Variants in CNOT2 observed in about 807,000 individuals in gnomAD.
CNOT2 encodes the protein CC chemokine receptor 4-negative regulator of transcription 2.
In CNOT2, 7 loss-of-function variants were observed where a neutral mutation model predicts 72.1. The ratio of observed to expected loss-of-function variants is 0.10; its 90% CI spans 0.06 to 0.18. The LOEUF (loss-of-function observed/expected upper bound fraction) is 0.18. Among genes scored for constraint, CNOT2 ranks in the 10% least tolerant of loss-of-function variants. The pLI, the probability that CNOT2 is intolerant of heterozygous loss-of-function variation, is 1.00. For missense variants in CNOT2, 345 were observed against 660.3 expected, an observed-to-expected ratio of 0.52 and a Z score of 5.23; for synonymous variants, 196 against 225.6, an observed-to-expected ratio of 0.87 and a Z score of 1.17.
chr12:70,317,612 T>A (rs910056291), intron 3 of CNOT2, among the ~76,000 whole-genome samples: 3 of 49,460 alleles, frequency 6.1e-5, no homozygotes, highest in Non-Finnish European at 1.0e-4. Flanking sequence ...TAAGGTTTGA[T>A]TTTTTTTTTT....
chr12:70,330,688 G>T (rs528975553), intron 6 of CNOT2: 10 of 430,006 alleles, frequency 2.3e-5, no homozygotes, highest in Non-Finnish European at 4.1e-5. Context: ...TGTTGTTGTG[G>T]TTGTTAGAAA....
chr12:70,286,279 C>G (rs940984094), intron 2 of CNOT2, among the ~76,000 whole-genome samples: 1 of 149,298 alleles, frequency 6.7e-6, no homozygotes, highest in Non-Finnish European at 1.5e-5. Context: ...CAGTAGTCCT[C>G]ATATTCATCT....
In CNOT2 at chr12:70,269,862, C is replaced by T. The variant is rs149299017; in HGVS notation, c.-95-8270C>T. ...AACCTGGTTAAGAATTCTGTCTTTT[C>T]CAGCCCATGAGACATTTGGCTTAGT... On this transcript the variant is annotated intron_variant, in intron 1 of 15. Transcript: ENST00000229195. Among the ~76,000 whole-genome samples, 1,035 of 152,256 alleles carry T rather than the reference C, an allele frequency of 6.8e-3. 8 individuals carry two copies. Among genetic ancestry groups the T allele is most frequent in the African/African-American group, 0.023 (958 of 41,556 alleles).
At chr12:70,301,224 C>A (rs1873901785) in intron 2 of CNOT2, among the ~76,000 whole-genome samples, 1 of 152,130 alleles carries the variant, frequency 6.6e-6, no homozygotes, top group African/African-American at 2.4e-5. Context: ...CCTTCTCCTG[C>A]CTGATTGCCC....
chr12:70,305,873 G>GTTTTTTTTTTTTTTTTT (rs11412509), intron 2 of CNOT2, among the ~76,000 whole-genome samples: 5 of 60,104 alleles, frequency 8.3e-5, no homozygotes, highest in Admixed American at 2.3e-4. Flanking sequence ...TCTGAAGTTT[G>GTTTTTTTTTTTTTTTTT]TTTTTTTTTT....
intron 4 of CNOT2, among the ~76,000 whole-genome samples, chr12:70,320,520 G>T (rs994102103): frequency 1.3e-5 from 2 of 151,604 alleles, no homozygotes; most frequent in Non-Finnish European, 3.0e-5. Context: ...ATTAAACCAA[G>T]AAACGTATTT....
In CNOT2 at chr12:70,278,235, G is replaced by A; in HGVS notation, c.9G>A (p.Arg3=). ...GGAAAGGACACGACTCTATGGTGAG[G>A]ACTGATGGACATACATTATCTGAGA... MV[R]TDGHTLSEKR... The change falls in exon 2 of 16, where the codon AGG becomes AGA. Residue 3 remains arginine, a synonymous_variant. Transcript: ENST00000229195. 1 of 1,611,720 alleles carries A rather than the reference G, an allele frequency of 6.2e-7. No homozygotes were observed. Among genetic ancestry groups the A allele is most frequent in the Non-Finnish European group, 8.5e-7 (1 of 1,177,912 alleles).
At chr12:70,264,678 C>G (rs573507678) in intron 1 of CNOT2, among the ~76,000 whole-genome samples, 3 of 152,228 alleles carry the variant, frequency 2.0e-5, no homozygotes, top group South Asian at 4.1e-4. Context: ...GAGAGATACT[C>G]TAACCCTTGA....
At chr12:70,247,579 A>G (rs1430220865) in intron 1 of CNOT2, among the ~76,000 whole-genome samples, 1 of 152,126 alleles carries the variant, frequency 6.6e-6, no homozygotes, top group Non-Finnish European at 1.5e-5. Flanking sequence ...CCTCTTTGGT[A>G]TCACTTTCTT....
At chr12:70,255,717 A>C (rs546652418) in intron 1 of CNOT2, among the ~76,000 whole-genome samples, 1 of 152,304 alleles carries the variant, frequency 6.6e-6, no homozygotes, top group Non-Finnish European at 1.5e-5. Flanking sequence ...TTCTTCTAAA[A>C]ACATATACTG....
At chr12:70,290,041 CT>C (rs1222313629) in intron 2 of CNOT2, among the ~76,000 whole-genome samples, 3 of 151,052 alleles carry the variant, frequency 2.0e-5, no homozygotes, top group African/African-American at 2.4e-5. Flanking sequence ...TCTTTTTTTT[CT>C]TTTTTTTAGG....
chr12:70,282,697 C>T (rs562838972), intron 2 of CNOT2, among the ~76,000 whole-genome samples: 1 of 152,226 alleles, frequency 6.6e-6, no homozygotes, highest in South Asian at 2.1e-4. Context: ...TTTCCTCTGC[C>T]CTCTTCCCCA....
intron 1 of CNOT2, among the ~76,000 whole-genome samples, chr12:70,246,803 T>G (rs577851754): frequency 6.6e-6 from 1 of 152,354 alleles, no homozygotes; most frequent in African/African-American, 2.4e-5. Flanking sequence ...TTTGTTCATT[T>G]ATTTTCTTTG....
chr12:70,332,991 G>A (rs891042845), intron 7 of CNOT2, 145 bp downstream of exon 7: 12 of 1,271,270 alleles, frequency 9.4e-6, no homozygotes, highest in African/African-American at 1.6e-5. Context: ...AATAGGAATA[G>A]GATTCAATAC....
intron 7 of CNOT2, among the ~76,000 whole-genome samples, chr12:70,333,184 G>C (rs1296722466): frequency 6.6e-6 from 1 of 151,910 alleles, no homozygotes; most frequent in Non-Finnish European, 1.5e-5. Context: ...GTCACTGTGA[G>C]AACTATAGCT....
At chr12:70,287,591 G>T (rs1255455845) in intron 2 of CNOT2, among the ~76,000 whole-genome samples, 1 of 149,682 alleles carries the variant, frequency 6.7e-6, no homozygotes, top group Non-Finnish European at 1.5e-5. Flanking sequence ...CAGGTGTATT[G>T]CTTTGTTTCT....
chr12:70,346,906 G>A (rs1449674824), intron 15 of CNOT2, among the ~76,000 whole-genome samples: 1 of 151,462 alleles, frequency 6.6e-6, no homozygotes, highest in Non-Finnish European at 1.5e-5. Flanking sequence ...CGTCCCATGT[G>A]CAAAATTTTC....
chr12:70,307,489 A>C (rs905338998), intron 2 of CNOT2, among the ~76,000 whole-genome samples: 1 of 152,166 alleles, frequency 6.6e-6, no homozygotes, highest in Non-Finnish European at 1.5e-5. Context: ...GCTTGTTTAT[A>C]ATCTTACGGG....
chr12:70,345,019 A>G (rs1461783698), intron 14 of CNOT2: 2 of 152,200 alleles, frequency 1.3e-5, no homozygotes, highest in East Asian at 3.8e-4. Flanking sequence ...ATATTAATGT[A>G]AAGAAATTGG....
Sources: gnomAD v4.1 joint callset for allele counts (sites outside exome capture counted in the v4.1 genomes callset) on GRCh38, gnomAD v4.1.1 for gene constraint, MANE v1.5 for transcripts, NCBI Gene and HGNC (gene_info 2026-07-23, HGNC 2026-07-21) for gene names.